Variants in MTUS2 observed in about 807,000 individuals in gnomAD.
MTUS2 encodes the protein microtubule associated scaffold protein 2.
Under a neutral mutation model 114.1 loss-of-function variants are expected in MTUS2, and 40 were observed. That is an observed-to-expected ratio of 0.35 (90% confidence interval 0.27 to 0.46). The LOEUF is 0.46. Among genes scored for constraint, MTUS2 ranks in the 20% least tolerant of loss-of-function variants. The pLI is 1.00. For synonymous variants in MTUS2, 688 were observed against 672.0 expected (o/e 1.02, Z -0.37); for missense variants, 1,679 against 1,705.4 (o/e 0.98, Z 0.27).
In MTUS2 at chr13:29,191,506, G is replaced by A. The variant is rs566576761; in HGVS notation, c.2645-90198G>A. Among the ~76,000 whole-genome samples, 3 of 152,236 alleles carry A rather than the reference G, an allele frequency of 2.0e-5. No individual in the cohort carries two copies. The South Asian group carries it at 6.2e-4, about 32-fold the overall frequency. The stretch of plus-strand genomic sequence containing the variant: ...TGGGTGTGTGCCTTGTGTGCCCTGT[G>A]TTCTTGGAGCTCTTTTGCCGTGTTT... On this transcript the variant is annotated intron_variant, in intron 5 of 15. Coordinates refer to ENST00000612955, the MANE Select transcript of MTUS2 (RefSeq NM_001033602.4).
intron 15 of MTUS2, among the ~76,000 whole-genome samples, chr13:29,501,590 G>C (rs1432746334): frequency 6.6e-6 from 1 of 152,158 alleles, no homozygotes; most frequent in Non-Finnish European, 1.5e-5. Flanking sequence ...GTCCCTGTGG[G>C]GCCACGCTCT....
intron 5 of MTUS2, among the ~76,000 whole-genome samples, chr13:29,216,883 G>T (rs1895703540): frequency 6.6e-6 from 1 of 152,114 alleles, no homozygotes; most frequent in African/African-American, 2.4e-5. Context: ...GTGCACAAGA[G>T]TTTCAGTTTT....
At chr13:29,345,761 G>T (rs1593329477) in intron 7 of MTUS2, among the ~76,000 whole-genome samples, 1 of 152,048 alleles carries the variant, frequency 6.6e-6, no homozygotes, top group African/African-American at 2.4e-5. Flanking sequence ...TGTTTTTCTG[G>T]TTCTTTCTCA....
intron 5 of MTUS2, among the ~76,000 whole-genome samples, chr13:29,136,437 G>A (rs144019382): frequency 0.018 from 2,677 of 152,276 alleles, 62 homozygotes; most frequent in Admixed American, 0.043. Flanking sequence ...TCAGGATGGT[G>A]TCTGGTCACC....
intron 2 of MTUS2, among the ~76,000 whole-genome samples, chr13:28,977,213 GTA>G (rs1884153905): frequency 6.6e-6 from 1 of 152,122 alleles, no homozygotes; most frequent in Admixed American, 6.5e-5. Context: ...GTGAATTTAA[GTA>G]TGATTGATGA....
At chr13:29,195,360 A>G (rs1238836858) in intron 5 of MTUS2, among the ~76,000 whole-genome samples, 1 of 151,984 alleles carries the variant, frequency 6.6e-6, no homozygotes, top group Non-Finnish European at 1.5e-5. Flanking sequence ...TTCCTAAATG[A>G]CAGATGATTA....
chr13:28,995,059 T>C (rs1885033771), intron 2 of MTUS2, among the ~76,000 whole-genome samples: 1 of 152,344 alleles, frequency 6.6e-6, no homozygotes, highest in South Asian at 2.1e-4. Context: ...CTTTAATCCA[T>C]CTTGAATTAA....
chr13:29,084,286 CCT>C (rs1327882193), intron 4 of MTUS2, among the ~76,000 whole-genome samples: 1 of 151,952 alleles, frequency 6.6e-6, no homozygotes, highest in East Asian at 1.9e-4. Flanking sequence ...CAACTGTGGG[CCT>C]CTGTTTCACT....
intron 4 of MTUS2, among the ~76,000 whole-genome samples, chr13:29,091,998 T>C (rs975136054): frequency 3.9e-5 from 6 of 152,182 alleles, no homozygotes; most frequent in African/African-American, 1.4e-4. Flanking sequence ...CCGGCACCTG[T>C]TGTTGTAGCC....
chr13:29,272,071 A>G (rs567393099), intron 5 of MTUS2, among the ~76,000 whole-genome samples: 22 of 152,324 alleles, frequency 1.4e-4, no homozygotes, highest in South Asian at 6.2e-4. Flanking sequence ...AAAGAAATAA[A>G]TAGCTTTGTG....
intron 7 of MTUS2, among the ~76,000 whole-genome samples, chr13:29,347,085 T>A (rs1211844557): frequency 2.0e-5 from 3 of 151,904 alleles, no homozygotes; most frequent in Admixed American, 6.6e-5. Flanking sequence ...CCTGGTGTGT[T>A]CTTCAGTAGT....
At chr13:29,027,400 A>G (rs1361964044) in intron 3 of MTUS2, among the ~76,000 whole-genome samples, 2 of 152,212 alleles carry the variant, frequency 1.3e-5, no homozygotes, top group African/African-American at 4.8e-5. Flanking sequence ...TCTTTAAAAT[A>G]AAAGTAATAA....
rs539860546 is a variant in MTUS2 at position 29,465,086 on chromosome 13, G to T, written c.3185-15064G>T. ...ACCTACTTCACAGAACTTTTGTGAC[G>T]TTCAATAACCCTCTCTACACAGAGG... On this transcript the variant is annotated intron_variant, in intron 9 of 15. Coordinates refer to ENST00000612955, the MANE Select transcript of MTUS2 (RefSeq NM_001033602.4). Among the ~76,000 whole-genome samples the T allele has an allele frequency of 7.9e-5, 12 of 152,274 alleles. No homozygotes were observed. In the South Asian group the frequency reaches 2.5e-3, roughly 32 times the overall value.
chr13:29,218,134 C>A (rs994649353), intron 5 of MTUS2, among the ~76,000 whole-genome samples: 6 of 151,388 alleles, frequency 4.0e-5, no homozygotes, highest in Admixed American at 1.3e-4. Context: ...CAAAACCAAA[C>A]CAAAACAAAA....
At chr13:28,890,896 G>A (rs571936207) in intron 2 of MTUS2, among the ~76,000 whole-genome samples, 2 of 152,262 alleles carry the variant, frequency 1.3e-5, no homozygotes, top group African/African-American at 4.8e-5. Flanking sequence ...CATGGGGCAA[G>A]CTCCATGGCT....
intron 4 of MTUS2, among the ~76,000 whole-genome samples, chr13:29,095,839 A>G (rs1378421156): frequency 6.6e-6 from 1 of 150,808 alleles, no homozygotes; most frequent in African/African-American, 2.4e-5. Flanking sequence ...TTCTCTCTTT[A>G]TTGTTATTTT....
chr13:28,965,224 G>A (rs554339747), intron 2 of MTUS2, among the ~76,000 whole-genome samples: 1 of 152,164 alleles, frequency 6.6e-6, no homozygotes, highest in Admixed American at 6.5e-5. Flanking sequence ...GCCTCCTGAG[G>A]TAGGCAGAAG....
chr13:28,925,487 TA>T (rs1881276000), intron 2 of MTUS2, among the ~76,000 whole-genome samples: 1 of 152,260 alleles, frequency 6.6e-6, no homozygotes, highest in Non-Finnish European at 1.5e-5. Context: ...TTAAGCAGTT[TA>T]AACATTTACT....
chr13:28,897,596 C>T (rs192761323), intron 2 of MTUS2, among the ~76,000 whole-genome samples: 1 of 152,116 alleles, frequency 6.6e-6, no homozygotes, highest in African/African-American at 2.4e-5. Context: ...GACACACACA[C>T]ACACATGTAT....
Sources: allele counts gnomAD v4.1 joint callset (sites outside exome capture counted in the v4.1 genomes callset), GRCh38; gene constraint gnomAD v4.1.1; transcripts MANE v1.5; gene names NCBI Gene and HGNC (gene_info 2026-07-23, HGNC 2026-07-21).